The following PEAK1 variants were observed in gnomAD, a reference collection of about 807,000 sequenced individuals.
The protein encoded by PEAK1 is pseudopodium enriched atypical kinase 1, also known as inactive tyrosine-protein kinase PEAK1.
In PEAK1, 54 loss-of-function variants were observed where a neutral mutation model predicts 124.7. The observed-to-expected ratio is 0.43, with a 90% CI of 0.35 to 0.54. PEAK1 has a LOEUF of 0.54. PEAK1 is among the 20% of genes least tolerant of loss of function. The pLI is 0.01. For synonymous variants in PEAK1, 719 were observed against 760.0 expected, an observed-to-expected ratio of 0.95 and a Z score of 0.89; for missense variants, 2,046 against 2,134.5, an observed-to-expected ratio of 0.96 and a Z score of 0.82.
chr15:77,243,672 T>C (rs1001868200), intron 6 of PEAK1, among the ~76,000 whole-genome samples: 23 of 152,174 alleles, frequency 1.5e-4, no homozygotes, highest in African/African-American at 4.8e-4. Context: ...GAATGTGTAT[T>C]AGAAACCCAC....
intron 8 of PEAK1, chr15:77,156,483 G>A (rs1035397913): frequency 2.6e-5 from 4 of 153,984 alleles, no homozygotes; most frequent in Non-Finnish European, 5.7e-5. Context: ...GCTTCAGCTC[G>A]CGCACGGTGT....
At chr15:77,253,722 G>A (rs1033975348) in intron 5 of PEAK1, among the ~76,000 whole-genome samples, 2 of 151,814 alleles carry the variant, frequency 1.3e-5, no homozygotes, top group East Asian at 1.9e-4. Context: ...TTTTGTCTTC[G>A]ATTTTTCTGA....
At chr15:77,348,207 C>T in intron 2 of PEAK1, 1 of 911,154 alleles carries the variant, frequency 1.1e-6, no homozygotes. Context: ...AAAAAGAAGA[C>T]TGGGATCAGA....
At position 77,181,876 on chromosome 15, in the gene PEAK1, G is replaced by A; in HGVS notation, c.51C>T (p.Cys17=). Residue 17 remains cysteine (C), a synonymous_variant, in exon 7 of 10, where the codon TGC becomes TGT. Coordinates refer to ENST00000682557, the MANE Select transcript of PEAK1 (RefSeq NM_001385026.1). The part of the protein sequence containing the change: ...FTEHVWKPGE[C]KNCFKPKSLH... ...AACTTTTAGGTTTAAAGCAATTCTT[G>A]CATTCACCAGGTTTCCAAACATGTT... 6.2e-7 allele frequency: 1 copy of A among 1,603,954 alleles called. No individual in the cohort carries two copies. Among genetic ancestry groups the A allele is most frequent in the Non-Finnish European group, 8.5e-7 (1 of 1,173,640 alleles).
chr15:77,182,097 C>T, intron 6 of PEAK1, 57 bp from the exon 7 acceptor site: 1 of 1,289,860 alleles, frequency 7.8e-7, no homozygotes, highest in African/African-American at 1.5e-5. Context: ...ATGAGACTTA[C>T]CATTATTAGT....
intron 2 of PEAK1, among the ~76,000 whole-genome samples, chr15:77,357,107 A>G (rs1015501390): frequency 6.6e-6 from 1 of 152,220 alleles, no homozygotes; most frequent in African/African-American, 2.4e-5. Flanking sequence ...TCTCTAAAAA[A>G]GAAAAAAACA....
At chr15:77,193,127 A>T (rs2057924357) in intron 6 of PEAK1, among the ~76,000 whole-genome samples, 1 of 152,238 alleles carries the variant, frequency 6.6e-6, no homozygotes, top group African/African-American at 2.4e-5. Flanking sequence ...AAATTTAACA[A>T]GAGACAAATG....
At chr15:77,410,757 C>T (rs2142109181) in intron 1 of PEAK1, among the ~76,000 whole-genome samples, 1 of 152,332 alleles carries the variant, frequency 6.6e-6, no homozygotes, top group African/African-American at 2.4e-5. Context: ...ATAAATACAA[C>T]ACACTGGTCC....
intron 2 of PEAK1, among the ~76,000 whole-genome samples, chr15:77,357,785 A>C (rs1597423610): frequency 6.6e-6 from 1 of 152,248 alleles, no homozygotes; most frequent in African/African-American, 2.4e-5. Flanking sequence ...ATACTATCTA[A>C]ATTTCTGACC....
chr15:77,140,124 C>T (rs2053656981), intron 8 of PEAK1, among the ~76,000 whole-genome samples: 1 of 151,830 alleles, frequency 6.6e-6, no homozygotes, highest in African/African-American at 2.4e-5. Flanking sequence ...CAAAGAAAAC[C>T]CAGGACCAGA....
intron 5 of PEAK1, among the ~76,000 whole-genome samples, chr15:77,254,386 CTTATTTT>C (rs879746889): frequency 8.6e-5 from 13 of 151,788 alleles, no homozygotes; most frequent in African/African-American, 1.2e-4. Context: ...TCTCTTTATT[CTTATTTT>C]TTATTTTCTA....
intron 1 of PEAK1, chr15:77,381,145 T>C (rs1021796659): frequency 1.2e-6 from 1 of 862,638 alleles, no homozygotes; most frequent in Non-Finnish European, 1.4e-6. Flanking sequence ...TGGAGTAACA[T>C]GCTAAAAATC....
At chr15:77,143,050 T>A (rs1428505589) in intron 8 of PEAK1, among the ~76,000 whole-genome samples, 2 of 152,198 alleles carry the variant, frequency 1.3e-5, no homozygotes. Context: ...GTTTCCAGTC[T>A]TATCTTCTCA....
At chr15:77,374,260 C>T (rs1292183443) in intron 1 of PEAK1, among the ~76,000 whole-genome samples, 1 of 152,060 alleles carries the variant, frequency 6.6e-6, no homozygotes. Context: ...AATGGCATGT[C>T]TAATTACAGA....
At chr15:77,348,184 GAAAAAAAA>G (rs371641400) in intron 2 of PEAK1, 1 of 852,454 alleles carries the variant, frequency 1.2e-6, no homozygotes, top group Non-Finnish European at 1.4e-6. Flanking sequence ...CACATGCTAA[GAAAAAAAA>G]AAAAAAAAAG....
chr15:77,165,614 A>AATC (rs375765669), intron 7 of PEAK1, among the ~76,000 whole-genome samples: 3 of 152,236 alleles, frequency 2.0e-5, no homozygotes, highest in Non-Finnish European at 4.4e-5. Flanking sequence ...TCTTTGAGTC[A>AATC]GAGTAGGGAG....
At chr15:77,284,644 G>C (rs1314083860) in intron 4 of PEAK1, among the ~76,000 whole-genome samples, 1 of 152,050 alleles carries the variant, frequency 6.6e-6, no homozygotes, top group Non-Finnish European at 1.5e-5. Flanking sequence ...ATATTATTTT[G>C]GTGAGGCGAT....
At chr15:77,320,291 A>C (rs1343070575) in intron 2 of PEAK1, among the ~76,000 whole-genome samples, 1 of 152,166 alleles carries the variant, frequency 6.6e-6, no homozygotes, top group African/African-American at 2.4e-5. Context: ...ACCATACTGT[A>C]ATTATTTGCA....
At chr15:77,267,136 A>G (rs1349931034) in intron 5 of PEAK1, among the ~76,000 whole-genome samples, 1 of 152,106 alleles carries the variant, frequency 6.6e-6, no homozygotes, top group Non-Finnish European at 1.5e-5. Flanking sequence ...TCCTGGGAAC[A>G]TAACTGGGAA....
Sources: allele counts gnomAD v4.1 joint callset (sites outside exome capture counted in the v4.1 genomes callset), GRCh38; gene constraint gnomAD v4.1.1; transcripts MANE v1.5; gene names NCBI Gene and HGNC (gene_info 2026-07-23, HGNC 2026-07-21).